ST3GAL5: variants seen among roughly 807,000 people sequenced by gnomAD.
ST3GAL5 encodes lactosylceramide alpha-2,3-sialyltransferase.
In ST3GAL5, 25 loss-of-function variants were observed where a neutral mutation model predicts 46.1. The observed-to-expected ratio is 0.54, with a 90% CI of 0.40 to 0.76. The LOEUF is 0.76. Ranked by LOEUF, ST3GAL5 falls within the 30% of genes least tolerant of loss-of-function variation. The pLI, the probability that ST3GAL5 is intolerant of heterozygous loss-of-function variation, is 0.00. For synonymous variants in ST3GAL5, 182 were observed against 192.7 expected (o/e 0.94, Z 0.46); for missense variants, 431 against 521.2 (o/e 0.83, Z 1.69).
At chr2:85,846,346 A>T in intron 5 of ST3GAL5, 31 bp downstream of exon 5, 2 of 1,605,108 alleles carry the variant, frequency 1.2e-6, no homozygotes, top group Non-Finnish European at 1.7e-6. Flanking sequence ...CTTTTTACTA[A>T]GGCAGATTTA....
Position 85,888,784 on chromosome 2 carries a change from C to CG in ST3GAL5, c.82+39dup, listed in dbSNP as rs888727225. 4 of 1,178,328 alleles carry CG rather than the reference C, an allele frequency of 3.4e-6. No homozygotes were observed. In the African/African-American group the frequency reaches 6.4e-5, roughly 19 times the overall value. The allele number at this position is 1,178,328 out of a possible 1,614,324, so 73.0% of individuals were successfully genotyped here. On this transcript the variant is annotated intron_variant, in intron 1 of 6. Coordinates refer to ENST00000638572, the MANE Select transcript of ST3GAL5 (RefSeq NM_003896.4). ...AGTCGCCGCCGCAGCCCCCAGCCCG[C>CG]GGGCCCCCGCGACGCCGAGGAGGGG...
rs1321202685 is a variant in ST3GAL5, at chr2:85,860,858, AAAAG to A, written c.318+319_318+322del. 10 of 308,750 alleles carry A rather than the reference AAAAG, an allele frequency of 3.2e-5. No homozygotes were observed. In the East Asian group the frequency reaches 6.5e-4, roughly 20 times the overall value. The allele number at this position is 308,750 out of a possible 1,614,324, so 19.1% of individuals were successfully genotyped here. A position where few individuals can be genotyped will look rare whatever the true frequency, so the allele number is the denominator to read the frequency against. On this transcript the variant is annotated intron_variant, in intron 3 of 6. Coordinates refer to ENST00000638572, the MANE Select transcript of ST3GAL5 (RefSeq NM_003896.4). Reference sequence around the variant, plus strand: ...AAAAAAAAAAAAAGGGAGAAAAGAAAAAAGAAAGAATTTCTTTGTTGTTTACTTT... The same window carrying A: ...AAAAAAAAAAAAAGGGAGAAAAGAAAAAAGAATTTCTTTGTTGTTTACTTT...
intron 1 of ST3GAL5, among the ~76,000 whole-genome samples, chr2:85,883,221 C>T (rs1430874567): frequency 6.6e-5 from 10 of 152,044 alleles, no homozygotes; most frequent in South Asian, 2.1e-4. Context: ...GGGAGGGACC[C>T]GGGGGAGGTA....
chr2:85,841,266 C>T (rs911907169), intron 6 of ST3GAL5, among the ~76,000 whole-genome samples: 1 of 152,122 alleles, frequency 6.6e-6, no homozygotes, highest in African/African-American at 2.4e-5. Flanking sequence ...ATAGCACTTC[C>T]AGGCCATTTC....
rs1390872005 is a variant in ST3GAL5 at position 85,864,803 on chromosome 2, T to C, written c.83-1318A>G. On this transcript the variant is annotated intron_variant, in intron 1 of 6. Transcript: ENST00000638572. ...ACAGCTCTGGATTTTTAGTGGGGCATAGTACCTCCCAGAATGAAGACTACA... is the reference window on the plus strand; with the variant it reads ...ACAGCTCTGGATTTTTAGTGGGGCACAGTACCTCCCAGAATGAAGACTACA... 2.6e-5 allele frequency among the ~76,000 whole-genome samples: 4 copies of C among 152,316 alleles called. No individual in the cohort carries two copies. In the East Asian group the frequency reaches 7.7e-4, roughly 29 times the overall value.
At chr2:85,850,389 T>C (rs889559514) in intron 3 of ST3GAL5, 16 of 152,278 alleles carry the variant, frequency 1.1e-4, no homozygotes, top group African/African-American at 1.9e-4. Context: ...AACACCACCA[T>C]TGATAACAAA....
chr2:85,845,494 G>A (rs1398826071), intron 5 of ST3GAL5: 1 of 152,226 alleles, frequency 6.6e-6, no homozygotes, highest in Non-Finnish European at 1.5e-5. Context: ...TCACAATCTG[G>A]ATATTCCCAT....
chr2:85,841,033 A>T (rs1461272215), intron 6 of ST3GAL5, among the ~76,000 whole-genome samples: 31 of 150,916 alleles, frequency 2.1e-4, no homozygotes, highest in African/African-American at 3.6e-4. Flanking sequence ...TCATTAAAAA[A>T]AAAAATAAAA....
At chr2:85,866,821 G>A (rs537439886) in intron 1 of ST3GAL5, among the ~76,000 whole-genome samples, 2 of 152,354 alleles carry the variant, frequency 1.3e-5, no homozygotes, top group Non-Finnish European at 1.5e-5. Flanking sequence ...ACCTAGGACA[G>A]AGATTGGCAC....
chr2:85,837,795 G>GT lies in ST3GAL5; in HGVS notation c.*2348dup, dbSNP rs1375231274. On this transcript the variant is annotated 3_prime_UTR_variant, in exon 7 of 7. Transcript: ENST00000638572. ...AAGCATGTTAAAATACAGAACATGT[G>GT]TAAGTCTTCCTAAGTTGCCTCAGAA... 1.2e-4 allele frequency: 18 copies of GT among 152,316 alleles called. No homozygotes were observed. The highest frequency in any genetic ancestry group is 4.3e-4 in the African/African-American group (18 of 41,560). 9.4% of individuals were successfully genotyped at this position (152,316 alleles called of 1,614,324 possible). A position where few individuals can be genotyped will look rare whatever the true frequency, so the allele number is the denominator to read the frequency against.
At chr2:85,885,099 T>C (rs1687599035) in intron 1 of ST3GAL5, among the ~76,000 whole-genome samples, 1 of 152,204 alleles carries the variant, frequency 6.6e-6, no homozygotes, top group Non-Finnish European at 1.5e-5. Context: ...ATGTCTTACA[T>C]GGCCTCAAAA....
At chr2:85,866,664 C>T (rs1411336152) in intron 1 of ST3GAL5, among the ~76,000 whole-genome samples, 1 of 152,228 alleles carries the variant, frequency 6.6e-6, no homozygotes, top group Non-Finnish European at 1.5e-5. Context: ...CATCTCTTTC[C>T]TTATCTCTGA....
At chr2:85,881,028 C>A (rs184310472) in intron 1 of ST3GAL5, 46 of 484,072 alleles carry the variant, frequency 9.5e-5, no homozygotes, top group Admixed American at 9.4e-4. Context: ...TGGGAGGGAC[C>A]CAGGGGAGGT....
At chr2:85,888,510 A>C (rs1688021747) in intron 1 of ST3GAL5, 1 of 207,772 alleles carries the variant, frequency 4.8e-6, no homozygotes, top group Admixed American at 6.0e-5. Context: ...TCCAGCAATG[A>C]ATTAAATCCC....
At chr2:85,844,697 A>G in intron 5 of ST3GAL5, 143 bp from the exon 6 acceptor site, 1 of 1,121,090 alleles carries the variant, frequency 8.9e-7, no homozygotes, top group Non-Finnish European at 1.3e-6. Context: ...TATAGATTGC[A>G]AAAGCTACGC....
At chr2:85,886,621 A>T (rs1573739202) in intron 1 of ST3GAL5, among the ~76,000 whole-genome samples, 1 of 152,066 alleles carries the variant, frequency 6.6e-6, no homozygotes, top group Non-Finnish European at 1.5e-5. Flanking sequence ...TGAAGCCTCA[A>T]AGCTGATTTT....
intron 3 of ST3GAL5, chr2:85,850,287 T>C (rs1683337131): frequency 2.0e-5 from 3 of 152,240 alleles, no homozygotes; most frequent in Non-Finnish European, 4.4e-5. Flanking sequence ...TGCAAGACGA[T>C]CATTAGTATC....
At chr2:85,880,698 C>A (rs925359974) in intron 1 of ST3GAL5, among the ~76,000 whole-genome samples, 1 of 152,036 alleles carries the variant, frequency 6.6e-6, no homozygotes, top group African/African-American at 2.4e-5. Flanking sequence ...GTGGCGTGCA[C>A]CTGTAGTCCC....
intron 1 of ST3GAL5, among the ~76,000 whole-genome samples, chr2:85,881,318 C>T (rs1212254747): frequency 1.3e-5 from 2 of 152,032 alleles, no homozygotes; most frequent in South Asian, 4.1e-4. Flanking sequence ...TAAATTGGTA[C>T]CAGTAGATGG....
Sources: allele counts gnomAD v4.1 joint callset (sites outside exome capture counted in the v4.1 genomes callset), GRCh38; gene constraint gnomAD v4.1.1; transcripts MANE v1.5; gene names NCBI Gene and HGNC (gene_info 2026-07-23, HGNC 2026-07-21).